Variants in CPSF3 observed in about 807,000 individuals in gnomAD.
CPSF3 encodes cleavage and polyadenylation specificity factor subunit 3.
Under a neutral mutation model 84.1 loss-of-function variants are expected in CPSF3, and 57 were observed. That is an observed-to-expected ratio of 0.68 (90% CI 0.55 to 0.85). CPSF3 has a LOEUF of 0.85. CPSF3 is among the 40% of genes least tolerant of loss of function. The pLI is 0.00. For missense variants in CPSF3, 522 were observed against 838.8 expected (o/e 0.62, Z 4.66); for synonymous variants, 275 against 278.1 (o/e 0.99, Z 0.11).
At chr2:9,466,274 G>GCGCACGCACGCA (rs1681931964) in intron 15 of CPSF3, among the ~76,000 whole-genome samples, 3 of 52,742 alleles carry the variant, frequency 5.7e-5, no homozygotes, top group South Asian at 6.8e-4. Flanking sequence ...AAAGACGCAC[G>GCGCACGCACGCA]CACACACGTG....
chr2:9,444,154 ATATATT>A (rs1305068376), intron 10 of CPSF3, among the ~76,000 whole-genome samples: 1 of 141,424 alleles, frequency 7.1e-6, no homozygotes, highest in African/African-American at 2.7e-5. Context: ...ATATATATAT[ATATATT>A]TTTTTTTTTT....
intron 15 of CPSF3, among the ~76,000 whole-genome samples, chr2:9,465,509 A>G (rs1681870597): frequency 6.6e-6 from 1 of 152,150 alleles, no homozygotes; most frequent in Non-Finnish European, 1.5e-5. Flanking sequence ...AGGTGAGGCC[A>G]TAAGATTATT....
chr2:9,467,982 CGTTT>C (rs1682034934), intron 16 of CPSF3: 1 of 467,148 alleles, frequency 2.1e-6, no homozygotes, highest in East Asian at 3.3e-5. Flanking sequence ...CTAGGTCAGC[CGTTT>C]GTGTTTCATT....
At chr2:9,435,471 G>A (rs1368243636) in intron 6 of CPSF3, among the ~76,000 whole-genome samples, 1 of 150,752 alleles carries the variant, frequency 6.6e-6, no homozygotes, top group East Asian at 1.9e-4. Context: ...TGGAGTGAGC[G>A]ACTGCAATGG....
At chr2:9,470,572 AG>A (rs1682131019) in intron 16 of CPSF3, among the ~76,000 whole-genome samples, 1 of 152,246 alleles carries the variant, frequency 6.6e-6, no homozygotes, top group Non-Finnish European at 1.5e-5. Flanking sequence ...CCCAGCTACT[AG>A]CACAGAAGGA....
intron 1 of CPSF3, chr2:9,424,333 G>T: frequency 2.4e-6 from 2 of 846,232 alleles, no homozygotes; most frequent in South Asian, 1.1e-4. Context: ...TCTCAGCTCA[G>T]GCCCTAGTAG....
chr2:9,460,025 G>C (rs1184017028), intron 15 of CPSF3, among the ~76,000 whole-genome samples: 1 of 151,904 alleles, frequency 6.6e-6, no homozygotes, highest in Non-Finnish European at 1.5e-5. Flanking sequence ...TAACAAACTT[G>C]ATCATTTCTA....
Position 9,467,715 on chromosome 2 carries a change from CAGA to C in CPSF3, c.1798_1800del (p.Lys600del). ...GCTTTTTTTTTTCCCAGGTGCAGTA[CAGA>C]AGGTTTCTAAAAAATTAGAAATGCA... is the stretch of plus-strand genomic sequence containing the variant. On this transcript the variant is annotated inframe_deletion, in exon 16 of 18. Transcript: ENST00000238112. The C allele has an allele frequency of 2.5e-6, 4 of 1,583,892 alleles. No homozygotes were observed. Among genetic ancestry groups the C allele is most frequent in the Non-Finnish European group, 3.5e-6 (4 of 1,158,316 alleles).
intron 7 of CPSF3, among the ~76,000 whole-genome samples, chr2:9,436,774 A>AAAAAATAATAATAATAATAAT (rs139337028): frequency 9.1e-4 from 130 of 143,032 alleles, no homozygotes; most frequent in Non-Finnish European, 1.5e-3. Flanking sequence ...CCATCTCAAA[A>AAAAAATAATAATAATAATAAT]AATAATAATA....
At chr2:9,449,462 C>T (rs1681242791) in intron 11 of CPSF3, among the ~76,000 whole-genome samples, 1 of 151,920 alleles carries the variant, frequency 6.6e-6, no homozygotes. Flanking sequence ...GTAATCAAGG[C>T]TGGGCACGGT....
At position 9,452,956 on chromosome 2, in the gene CPSF3, G is replaced by A. The variant is rs774582248; in HGVS notation, c.1439G>A (p.Arg480Gln). ...LADKKPEQGQ[R>Q]VSGILVKRNF... ...GACAAAAAACCAGAACAAGGCCAGC[G>A]GGTCTCAGGAATACTTGTTAAAAGA... Residue 480 changes from arginine to glutamine, a missense_variant, in exon 12 of 18, where the codon CGG (arginine) becomes CAG (glutamine). Arg to Gln is a conservative substitution (Grantham distance 43, BLOSUM62 1). This residue lies in a region of CPSF3 where 329 missense variants were observed against 607.2 expected (regional missense o/e 0.54). Transcript: ENST00000238112. 6 of 1,611,176 alleles carry A rather than the reference G, an allele frequency of 3.7e-6. No homozygotes were observed. Among genetic ancestry groups the A allele is most frequent in the Non-Finnish European group, 3.4e-6 (4 of 1,179,296 alleles).
Position 9,423,830 on chromosome 2 carries a change from G to T in CPSF3, c.50+7G>T. On this transcript the variant is annotated splice_region_variant and intron_variant, in intron 1 of 17. Transcript: ENST00000238112. ...AGCTGCTGATCCGACCCCTGTAAGG[G>T]ACCAGCGAGAGAGGGAATGAAGCCA... 6.2e-7 allele frequency: 1 copy of T among 1,612,484 alleles called. No individual in the cohort carries two copies. The highest frequency in any genetic ancestry group is 1.1e-5 in the South Asian group (1 of 90,844).
intron 1 of CPSF3, chr2:9,424,650 AGTCC>A (rs1366353840): frequency 6.6e-6 from 1 of 152,228 alleles, no homozygotes; most frequent in African/African-American, 2.4e-5. Context: ...CTTGGGACAT[AGTCC>A]GTTTCCTTCT....
intron 15 of CPSF3, among the ~76,000 whole-genome samples, chr2:9,466,338 ACACGCGCGCG>A (rs1681957919): frequency 8.5e-6 from 1 of 118,330 alleles, no homozygotes; most frequent in Non-Finnish European, 1.7e-5. Context: ...ACGCACGCAC[ACACGCGCGCG>A]CGCGCACACA....
At chr2:9,436,543 G>A (rs2148939074) in intron 7 of CPSF3, among the ~76,000 whole-genome samples, 182 bp downstream of exon 7, 1 of 152,222 alleles carries the variant, frequency 6.6e-6, no homozygotes, top group African/African-American at 2.4e-5. Flanking sequence ...GGAGGCTGAG[G>A]TGGGGAGATC....
At position 9,467,491 on chromosome 2, in the gene CPSF3, A is replaced by T. The variant is rs559471773; in HGVS notation, c.1787-216A>T. 1.1e-4 allele frequency among the ~76,000 whole-genome samples: 17 copies of T among 152,122 alleles called. No individual in the cohort carries two copies. In the East Asian group the frequency reaches 2.5e-3, roughly 22 times the overall value. ...AAAGGGTGAAAAGATGTAATAGAAA[A>T]TTTTTTTTAAATACACATAAAAAGA... is the stretch of plus-strand genomic sequence containing the variant. On this transcript the variant is annotated intron_variant, in intron 15 of 17. Coordinates refer to ENST00000238112, the MANE Select transcript of CPSF3 (RefSeq NM_016207.4).
At chr2:9,445,541 G>C (rs537118333) in intron 10 of CPSF3, among the ~76,000 whole-genome samples, 1 of 152,300 alleles carries the variant, frequency 6.6e-6, no homozygotes, top group South Asian at 2.1e-4. Flanking sequence ...CCCTTAATGA[G>C]CAGATTATTT....
chr2:9,454,475 T>G (rs1198064654), intron 12 of CPSF3, among the ~76,000 whole-genome samples: 1 of 152,010 alleles, frequency 6.6e-6, no homozygotes, highest in African/African-American at 2.4e-5. Flanking sequence ...GCTGTCAGTT[T>G]TCATAGCATC....
chr2:9,444,199 G>C (rs1209589119), intron 10 of CPSF3, among the ~76,000 whole-genome samples: 1 of 141,560 alleles, frequency 7.1e-6, no homozygotes, highest in African/African-American at 2.6e-5. Flanking sequence ...CTGTCACCCA[G>C]GCTGACTGCA....
Sources: gnomAD v4.1 joint callset for allele counts (sites outside exome capture counted in the v4.1 genomes callset) on GRCh38, gnomAD v4.1.1 for gene constraint, gnomAD v4.1.1 regional missense constraint, MANE v1.5 for transcripts, NCBI Gene and HGNC (gene_info 2026-07-23, HGNC 2026-07-21) for gene names.